Variants in MEIKIN observed in about 807,000 individuals in gnomAD.
MEIKIN encodes the protein meiosis-specific kinetochore protein.
chr5:131,835,756 G>C (rs911483195), intron 11 of MEIKIN, among the ~76,000 whole-genome samples: 1 of 152,140 alleles, frequency 6.6e-6, no homozygotes, highest in African/African-American at 2.4e-5. Flanking sequence ...ACCAGGCCTG[G>C]CTAATTTTTT....
At chr5:131,937,125 T>C (rs1402313972) in intron 4 of MEIKIN, among the ~76,000 whole-genome samples, 2 of 152,188 alleles carry the variant, frequency 1.3e-5, no homozygotes, top group Non-Finnish European at 2.9e-5. Flanking sequence ...CTGTATTAGA[T>C]AAGAGACTCT....
intron 4 of MEIKIN, among the ~76,000 whole-genome samples, chr5:131,938,318 C>G (rs1212381690): frequency 6.6e-6 from 1 of 151,964 alleles, no homozygotes; most frequent in Non-Finnish European, 1.5e-5. Context: ...GAGGTGCACA[C>G]CGCCATGCCC....
chr5:131,925,644 G>A (rs569414920), intron 5 of MEIKIN, among the ~76,000 whole-genome samples: 151 of 151,742 alleles, frequency 1.0e-3, no homozygotes, highest in Non-Finnish European at 1.4e-3. Context: ...TCATTTAATC[G>A]TTCAAATAAG....
chr5:131,893,266 T>C (rs1490305523), intron 8 of MEIKIN, among the ~76,000 whole-genome samples: 2 of 152,118 alleles, frequency 1.3e-5, no homozygotes, highest in Non-Finnish European at 1.5e-5. Flanking sequence ...GCCGCTTTGT[T>C]TACCTAATCA....
At chr5:131,901,303 G>A (rs754553824) in intron 8 of MEIKIN, among the ~76,000 whole-genome samples, 1 of 152,088 alleles carries the variant, frequency 6.6e-6, no homozygotes, top group Non-Finnish European at 1.5e-5. Flanking sequence ...CTGCCTGCAT[G>A]GATACCTGTA....
rs549773736 is a variant in MEIKIN, at chr5:131,887,191, A to G, written c.704-8143T>C. 4.6e-5 allele frequency among the ~76,000 whole-genome samples: 7 copies of G among 152,110 alleles called. No homozygotes were observed. The East Asian group carries it at 9.7e-4, about 21-fold the overall frequency. ...CTTTTTTATGGCTGCACAGTATTCC[A>G]TGGGGTATATGTGCCACATTTTCTT... On this transcript the variant is annotated intron_variant, in intron 8 of 12. Transcript: ENST00000442687.
intron 11 of MEIKIN, among the ~76,000 whole-genome samples, chr5:131,832,045 C>A (rs1042845517): frequency 6.6e-6 from 1 of 152,098 alleles, no homozygotes; most frequent in African/African-American, 2.4e-5. Context: ...CATTTCAAAG[C>A]CAATCATGCC....
At chr5:131,865,069 T>C (rs1750359956) in intron 9 of MEIKIN, among the ~76,000 whole-genome samples, 1 of 152,182 alleles carries the variant, frequency 6.6e-6, no homozygotes, top group South Asian at 2.1e-4. Flanking sequence ...TTCTGTTTGG[T>C]TCTTTTTTCA....
chr5:131,823,935 G>A (rs953452148), intron 11 of MEIKIN, among the ~76,000 whole-genome samples: 3 of 152,222 alleles, frequency 2.0e-5, no homozygotes, highest in African/African-American at 4.8e-5. Context: ...CCTTGGTAGT[G>A]TTGGATAAGA....
chr5:131,879,338 A>G (rs1348903272), intron 8 of MEIKIN, among the ~76,000 whole-genome samples: 1 of 152,098 alleles, frequency 6.6e-6, no homozygotes, highest in Non-Finnish European at 1.5e-5. Flanking sequence ...TTCTTCATTC[A>G]TTATCCTACC....
chr5:131,919,680 T>G (rs765706663), intron 6 of MEIKIN, among the ~76,000 whole-genome samples: 1 of 151,878 alleles, frequency 6.6e-6, no homozygotes, highest in African/African-American at 2.4e-5. Flanking sequence ...GAAGAGGATA[T>G]AAAGAAATAC....
intron 8 of MEIKIN, among the ~76,000 whole-genome samples, chr5:131,885,298 G>T (rs1036800424): frequency 1.3e-5 from 2 of 148,952 alleles, no homozygotes. Flanking sequence ...CCACAGAGGT[G>T]CTTGTGTTAC....
At chr5:131,897,504 C>T (rs976176004) in intron 8 of MEIKIN, among the ~76,000 whole-genome samples, 1 of 152,180 alleles carries the variant, frequency 6.6e-6, no homozygotes. Context: ...TCCATTCTCC[C>T]CATCACTTTC....
At chr5:131,940,322 T>C (rs960595737) in intron 4 of MEIKIN, among the ~76,000 whole-genome samples, 1 of 152,206 alleles carries the variant, frequency 6.6e-6, no homozygotes, top group African/African-American at 2.4e-5. Context: ...AATATTCCTC[T>C]AGTCTATTTT....
At chr5:131,933,925 T>C (rs1483260039) in intron 4 of MEIKIN, among the ~76,000 whole-genome samples, 1 of 148,812 alleles carries the variant, frequency 6.7e-6, no homozygotes, top group East Asian at 1.9e-4. Flanking sequence ...TCAGTTGTGA[T>C]TCTTGGCTCA....
intron 5 of MEIKIN, among the ~76,000 whole-genome samples, chr5:131,924,258 G>A (rs1751554007): frequency 3.3e-5 from 5 of 151,922 alleles, no homozygotes; most frequent in South Asian, 2.1e-4. Flanking sequence ...TCCACCTCTC[G>A]GCTACTGTGA....
chr5:131,873,829 G>C (rs1475497350), intron 9 of MEIKIN, among the ~76,000 whole-genome samples: 1 of 152,190 alleles, frequency 6.6e-6, no homozygotes, highest in Admixed American at 6.5e-5. Context: ...TAGAACTCAT[G>C]ATTAAGAAAC....
At chr5:131,874,345 C>T (rs571071716) in intron 9 of MEIKIN, among the ~76,000 whole-genome samples, 2 of 152,260 alleles carry the variant, frequency 1.3e-5, no homozygotes, top group East Asian at 3.9e-4. Flanking sequence ...ATACAAACTA[C>T]CATCAGAGAA....
intron 8 of MEIKIN, among the ~76,000 whole-genome samples, chr5:131,889,863 T>G (rs898885910): frequency 6.6e-6 from 1 of 152,130 alleles, no homozygotes; most frequent in Non-Finnish European, 1.5e-5. Context: ...ATAGATAGCT[T>G]TTATTATTTT....
Sources: gnomAD v4.1 joint callset for allele counts (sites outside exome capture counted in the v4.1 genomes callset) on GRCh38, gnomAD v4.1.1 for gene constraint, MANE v1.5 for transcripts, NCBI Gene and HGNC (gene_info 2026-07-23, HGNC 2026-07-21) for gene names.